Variants in GPHN observed in about 807,000 individuals in gnomAD.
The protein encoded by GPHN is gephyrin.
GPHN carries 17 observed loss-of-function variants against 95.5 expected under a neutral mutation model. That is an observed-to-expected ratio of 0.18 (90% CI 0.12 to 0.27). GPHN has a LOEUF of 0.27. Among genes scored for constraint, GPHN ranks in the 10% least tolerant of loss-of-function variants. The pLI, the probability that GPHN is intolerant of heterozygous loss-of-function variation, is 1.00. For missense variants in GPHN, 660 were observed against 978.1 expected (o/e 0.67, Z 4.34); for synonymous variants, 320 against 322.5 (o/e 0.99, Z 0.08).
At chr14:66,995,305 A>G (rs528053099) in intron 9 of GPHN, among the ~76,000 whole-genome samples, 1 of 152,292 alleles carries the variant, frequency 6.6e-6, no homozygotes, top group South Asian at 2.1e-4. Flanking sequence ...ATTTTTAAAA[A>G]TCAGTGATAA....
At chr14:67,692,938 C>G in the GPHN span, 9 of 1,609,030 alleles carry the variant, frequency 5.6e-6, no homozygotes, top group Non-Finnish European at 6.8e-6. Flanking sequence ...ACTTGCCTCT[C>G]TGAGCCAGCT....
the GPHN span, chr14:67,345,837 T>C: frequency 6.2e-7 from 1 of 1,614,132 alleles, no homozygotes; most frequent in African/African-American, 1.3e-5. Context: ...TAGCCAACTG[T>C]TCCCCACCTC....
chr14:67,615,626 G>A, the GPHN span: 3 of 553,854 alleles, frequency 5.4e-6, no homozygotes, highest in Non-Finnish European at 1.1e-5. Flanking sequence ...TGCTTAGTGA[G>A]GGGGAAGACC....
chr14:67,224,123 T>A, the GPHN span: 2 of 555,244 alleles, frequency 3.6e-6, no homozygotes, highest in East Asian at 1.5e-4. Context: ...GAAAGTTAAA[T>A]TTTTTTTCTC....
intron 2 of GPHN, among the ~76,000 whole-genome samples, chr14:66,738,719 C>G (rs2072515313): frequency 6.6e-6 from 1 of 152,064 alleles, no homozygotes; most frequent in African/African-American, 2.4e-5. Flanking sequence ...AAATTCTTCA[C>G]TTAATGTATT....
intron 4 of GPHN, among the ~76,000 whole-genome samples, chr14:66,877,826 A>T (rs560370734): frequency 6.6e-6 from 1 of 152,222 alleles, no homozygotes; most frequent in African/African-American, 2.4e-5. Flanking sequence ...TATAGATTCA[A>T]TGCTATCCCC....
At chr14:67,650,792 A>G in the GPHN span, 2 of 1,614,076 alleles carry the variant, frequency 1.2e-6, no homozygotes, top group African/African-American at 1.3e-5. Context: ...GACTACAGCT[A>G]ACCTGGCAGT....
the GPHN span, among the ~76,000 whole-genome samples, chr14:67,369,433 C>G: frequency 6.6e-6 from 1 of 152,146 alleles, no homozygotes; most frequent in Non-Finnish European, 1.5e-5. Context: ...TGAACAAGCT[C>G]TGAACAATTG....
At chr14:67,259,471 G>T in the GPHN span, among the ~76,000 whole-genome samples, 2 of 152,010 alleles carry the variant, frequency 1.3e-5, no homozygotes, top group Non-Finnish European at 2.9e-5. Flanking sequence ...AATCAGCCGG[G>T]TGTAGTGTTG....
chr14:67,722,651 C>T, the GPHN span: 1 of 1,613,838 alleles, frequency 6.2e-7, no homozygotes, highest in African/African-American at 1.3e-5. Flanking sequence ...CGATGCTGGT[C>T]ACCTTGGGAC....
At chr14:67,253,041 A>C in the GPHN span, among the ~76,000 whole-genome samples, 1 of 152,222 alleles carries the variant, frequency 6.6e-6, no homozygotes, top group Non-Finnish European at 1.5e-5. Context: ...CAGGCTTTAC[A>C]GTGCAGTTAC....
rs2060447486 is a variant in GPHN, at chr14:66,803,864, C to G, written c.202-20610C>G. ...TTTCCCTTCTATTATGTCCATTAAA[C>G]TTTTTTAGATTCCAATGCTGTGGTG... On this transcript the variant is annotated intron_variant, in intron 3 of 22. Coordinates refer to ENST00000478722, the MANE Select transcript of GPHN (RefSeq NM_020806.5). Among the ~76,000 whole-genome samples, 3 of 152,122 alleles carry G rather than the reference C, an allele frequency of 2.0e-5. No homozygotes were observed. The South Asian group carries it at 6.2e-4, about 32-fold the overall frequency.
At chr14:67,438,557 G>A in the GPHN span, among the ~76,000 whole-genome samples, 1 of 152,108 alleles carries the variant, frequency 6.6e-6, no homozygotes, top group Non-Finnish European at 1.5e-5. Flanking sequence ...AGAGGACTCT[G>A]GTGAGTATAA....
At position 66,753,563 on chromosome 14, in the gene GPHN, A is replaced by G. The variant is rs372721163; in HGVS notation, c.144-22901A>G. ...TATTCTATTCTATTTTCACACATCAATTGATGTGAAAACAAAATATAATCT... is the reference window on the plus strand; with the variant it reads ...TATTCTATTCTATTTTCACACATCAGTTGATGTGAAAACAAAATATAATCT... On this transcript the variant is annotated intron_variant, in intron 2 of 22. Coordinates refer to ENST00000478722, the MANE Select transcript of GPHN (RefSeq NM_020806.5). Among the ~76,000 whole-genome samples, 34 of 152,184 alleles carry G rather than the reference A, an allele frequency of 2.2e-4. No individual in the cohort carries two copies. In the East Asian group the frequency reaches 5.6e-3, roughly 25 times the overall value.
chr14:67,451,708 G>A, the GPHN span, among the ~76,000 whole-genome samples: 1 of 152,204 alleles, frequency 6.6e-6, no homozygotes, highest in Non-Finnish European at 1.5e-5. Context: ...TGATTTTACA[G>A]GCTCATAGAT....
the GPHN span, among the ~76,000 whole-genome samples, chr14:67,502,517 A>G: frequency 7.1e-6 from 1 of 140,682 alleles, no homozygotes; most frequent in African/African-American, 2.6e-5. Flanking sequence ...CAATGGCATG[A>G]TCTCAGCTCA....
chr14:67,031,342 A>C (rs1472314823), intron 10 of GPHN, among the ~76,000 whole-genome samples: 1 of 152,140 alleles, frequency 6.6e-6, no homozygotes, highest in Non-Finnish European at 1.5e-5. Flanking sequence ...TTTTAGAAAA[A>C]AATTTCTGTT....
At chr14:66,925,804 T>C (rs920956663) in intron 8 of GPHN, among the ~76,000 whole-genome samples, 1 of 152,242 alleles carries the variant, frequency 6.6e-6, no homozygotes, top group Non-Finnish European at 1.5e-5. Context: ...GTTCTGTCTT[T>C]AGTTTTTTGA....
intron 5 of GPHN, among the ~76,000 whole-genome samples, chr14:66,892,667 TA>T (rs1332353898): frequency 6.6e-6 from 1 of 152,146 alleles, no homozygotes; most frequent in African/African-American, 2.4e-5. Flanking sequence ...CCAGATTATA[TA>T]AGGACAAATG....
Sources: gnomAD v4.1 joint callset for allele counts (sites outside exome capture counted in the v4.1 genomes callset) on GRCh38, gnomAD v4.1.1 for gene constraint, MANE v1.5 for transcripts, NCBI Gene and HGNC (gene_info 2026-07-23, HGNC 2026-07-21) for gene names.